Variants in SEMA3E observed in about 807,000 individuals in gnomAD.
The protein encoded by SEMA3E is semaphorin-3E.
Under a neutral mutation model 93.6 loss-of-function variants are expected in SEMA3E, and 49 were observed. The ratio of observed to expected loss-of-function variants is 0.52; its 90% confidence interval spans 0.42 to 0.66. The LOEUF (loss-of-function observed/expected upper bound fraction) is 0.66, where lower values mean the gene tolerates loss of function less well. Ranked by LOEUF, SEMA3E falls within the 30% of genes least tolerant of loss-of-function variation. The probability of loss-of-function intolerance (pLI) is 0.00; values close to 1 mark genes in which losing one functional copy is unlikely to be tolerated. For synonymous variants in SEMA3E, 363 were observed against 330.7 expected, an observed-to-expected ratio of 1.10 and a Z score of -1.06; for missense variants, 906 against 964.8, an observed-to-expected ratio of 0.94 and a Z score of 0.81.
chr7:83,558,250 C>A (rs1175875745), intron 1 of SEMA3E, among the ~76,000 whole-genome samples: 1 of 152,072 alleles, frequency 6.6e-6, no homozygotes, highest in Non-Finnish European at 1.5e-5. Flanking sequence ...ACCAAAGATG[C>A]CATGTTCTGC....
intron 4 of SEMA3E, among the ~76,000 whole-genome samples, chr7:83,426,051 A>G (rs1408346817): frequency 1.3e-5 from 2 of 152,216 alleles, no homozygotes; most frequent in East Asian, 1.9e-4. Context: ...CAGAATGGCT[A>G]TTATTAAAAA....
chr7:83,510,114 T>C (rs1748022928), intron 1 of SEMA3E, among the ~76,000 whole-genome samples: 1 of 152,202 alleles, frequency 6.6e-6, no homozygotes. Flanking sequence ...TTGAGTATTA[T>C]TGTCTGTTTT....
rs557461715 is a variant in SEMA3E at position 83,474,190 on chromosome 7, C to T, written c.277-4888G>A. On this transcript the variant is annotated intron_variant, in intron 2 of 16. Transcript: ENST00000643230. ...AAATATCAGATAAGGCATGTAAATC[C>T]CAGAAGTGAAAGAGGCTTGTCACTT... Among the ~76,000 whole-genome samples, 7 of 151,616 alleles carry T rather than the reference C, an allele frequency of 4.6e-5. 1 individual carries two copies. Among genetic ancestry groups the T allele is most frequent in the African/African-American group, 1.7e-4 (7 of 41,328 alleles).
chr7:83,545,354 G>A (rs905658142), intron 1 of SEMA3E, among the ~76,000 whole-genome samples: 2 of 151,868 alleles, frequency 1.3e-5, no homozygotes, highest in African/African-American at 4.8e-5. Context: ...TCCATTTTGA[G>A]TCAGTCCTTC....
chr7:83,508,669 C>T (rs1216449732), intron 1 of SEMA3E, among the ~76,000 whole-genome samples: 1 of 152,114 alleles, frequency 6.6e-6, no homozygotes, highest in Non-Finnish European at 1.5e-5. Context: ...TATTCAATGA[C>T]ATAGCATAGT....
rs199753393 is a variant in SEMA3E at position 83,413,303 on chromosome 7, TTCTTA to T, written c.551-4821_551-4817del. 6.4e-3 allele frequency among the ~76,000 whole-genome samples: 933 copies of T among 145,100 alleles called. 14 individuals are homozygous for T. Among genetic ancestry groups the T allele is most frequent in the African/African-American group, 0.022 (889 of 40,662 alleles). ...AAATTCACAGTAGTGTTTCATGACC[TTCTTA>T]TCTTGTTAAGTTTTACTCAAGCATT... On this transcript the variant is annotated intron_variant, in intron 5 of 16. Transcript: ENST00000643230.
At chr7:83,565,181 C>T (rs112356089) in intron 1 of SEMA3E, among the ~76,000 whole-genome samples, 28,137 of 151,944 alleles carry the variant, frequency 0.19, 3,775 homozygotes, top group African/African-American at 0.37. Context: ...AAAGAAAATG[C>T]GGTACATATA....
At chr7:83,474,970 G>C (rs2115914569) in intron 2 of SEMA3E, among the ~76,000 whole-genome samples, 1 of 150,956 alleles carries the variant, frequency 6.6e-6, no homozygotes, top group South Asian at 2.1e-4. Context: ...TGTATATATA[G>C]ACTATACAAA....
chr7:83,392,126 T>C (rs1788030550), intron 14 of SEMA3E, among the ~76,000 whole-genome samples: 1 of 152,194 alleles, frequency 6.6e-6, no homozygotes, highest in Non-Finnish European at 1.5e-5. Flanking sequence ...TGTGTTGAAT[T>C]AAATCACACA....
chr7:83,450,543 A>C (rs1383491068), intron 4 of SEMA3E, among the ~76,000 whole-genome samples: 13 of 152,148 alleles, frequency 8.5e-5, no homozygotes, highest in Non-Finnish European at 2.9e-5. Flanking sequence ...TAAAATTCTA[A>C]ATGAGGCAAA....
At chr7:83,478,071 C>A (rs529749826) in intron 2 of SEMA3E, among the ~76,000 whole-genome samples, 3 of 152,058 alleles carry the variant, frequency 2.0e-5, no homozygotes, top group Non-Finnish European at 2.9e-5. Context: ...CAGGCACCTG[C>A]CACCACGCCC....
chr7:83,571,922 C>G (rs941083551), intron 1 of SEMA3E, among the ~76,000 whole-genome samples: 1 of 151,938 alleles, frequency 6.6e-6, no homozygotes, highest in East Asian at 1.9e-4. Flanking sequence ...CATTTTTATG[C>G]ACCAAAAACA....
At chr7:83,474,205 G>T (rs1789963319) in intron 2 of SEMA3E, among the ~76,000 whole-genome samples, 1 of 151,536 alleles carries the variant, frequency 6.6e-6, no homozygotes, top group African/African-American at 2.4e-5. Context: ...AGTGAAAGAG[G>T]CTTGTCACTT....
intron 4 of SEMA3E, among the ~76,000 whole-genome samples, chr7:83,443,366 C>T (rs1421027473): frequency 6.6e-6 from 1 of 152,148 alleles, no homozygotes; most frequent in Non-Finnish European, 1.5e-5. Context: ...AAAGTGTCAT[C>T]ACAATAACAA....
chr7:83,554,176 A>G (rs1444811211), intron 1 of SEMA3E, among the ~76,000 whole-genome samples: 5 of 152,180 alleles, frequency 3.3e-5, no homozygotes, highest in African/African-American at 1.2e-4. Context: ...ATTCATGTAC[A>G]TTGTACATGG....
At chr7:83,559,268 T>G (rs1026282992) in intron 1 of SEMA3E, among the ~76,000 whole-genome samples, 2 of 152,090 alleles carry the variant, frequency 1.3e-5, no homozygotes, top group African/African-American at 4.8e-5. Flanking sequence ...TGAAAGGTGA[T>G]ATATACAAGG....
chr7:83,577,960 C>A (rs994316407), intron 1 of SEMA3E, among the ~76,000 whole-genome samples: 4 of 151,714 alleles, frequency 2.6e-5, no homozygotes, highest in Admixed American at 2.6e-4. Context: ...TAAATAAAGT[C>A]ATCTAAAACA....
chr7:83,606,249 G>T (rs115122284), intron 1 of SEMA3E, among the ~76,000 whole-genome samples: 2,754 of 152,222 alleles, frequency 0.018, 82 homozygotes, highest in African/African-American at 0.063. Flanking sequence ...TTCTGTCATG[G>T]TGACCTAGAA....
intron 1 of SEMA3E, among the ~76,000 whole-genome samples, chr7:83,516,945 T>TTATATATATATATA (rs369210004): frequency 1.3e-4 from 20 of 148,564 alleles, no homozygotes; most frequent in South Asian, 6.4e-4. Flanking sequence ...TAGCATATAT[T>TTATATATATATATA]TATATATATA....
Sources: allele counts gnomAD v4.1 joint callset (sites outside exome capture counted in the v4.1 genomes callset), GRCh38; gene constraint gnomAD v4.1.1; transcripts MANE v1.5; gene names NCBI Gene and HGNC (gene_info 2026-07-23, HGNC 2026-07-21).